The following PDE4D variants were observed in gnomAD, a reference collection of about 807,000 sequenced individuals.
PDE4D encodes the protein phosphodiesterase 4D, also known as 3',5'-cyclic-AMP phosphodiesterase 4D.
Under a neutral mutation model 87.4 loss-of-function variants are expected in PDE4D, and 24 were observed. That is an observed-to-expected ratio of 0.27 (90% CI 0.20 to 0.39). The LOEUF (loss-of-function observed/expected upper bound fraction) is 0.39, where lower values mean the gene tolerates loss of function less well. Ranked by LOEUF, PDE4D falls within the 10% of genes least tolerant of loss-of-function variation. The probability of loss-of-function intolerance (pLI) is 1.00; values close to 1 mark genes in which losing one functional copy is unlikely to be tolerated. For synonymous variants in PDE4D, 384 were observed against 383.2 expected (o/e 1.00, Z -0.02); for missense variants, 714 against 1,041.0 (o/e 0.69, Z 4.32).
At chr5:60,071,064 G>A (rs1420830097) in intron 2 of PDE4D, among the ~76,000 whole-genome samples, 2 of 151,206 alleles carry the variant, frequency 1.3e-5, no homozygotes, top group East Asian at 1.9e-4. Context: ...TTGAGGCATC[G>A]CTCTTTTTTT....
chr5:59,694,584 A>G (rs959026863), intron 1 of PDE4D, among the ~76,000 whole-genome samples: 3 of 152,192 alleles, frequency 2.0e-5, no homozygotes, highest in Non-Finnish European at 4.4e-5. Flanking sequence ...GATTACAGCA[A>G]TATGTTGTAA....
intron 1 of PDE4D, among the ~76,000 whole-genome samples, chr5:59,881,018 C>T (rs2152745770): frequency 6.6e-6 from 1 of 152,144 alleles, no homozygotes; most frequent in East Asian, 1.9e-4. Flanking sequence ...TAAAAAGGAG[C>T]ATTTATGAAA....
At chr5:59,689,136 G>A (rs1172553122) in intron 1 of PDE4D, among the ~76,000 whole-genome samples, 1 of 152,128 alleles carries the variant, frequency 6.6e-6, no homozygotes, top group Non-Finnish European at 1.5e-5. Context: ...AATTCTACCA[G>A]AGATACAAAA....
At chr5:59,129,207 GTTA>G (rs1775931549) in intron 5 of PDE4D, among the ~76,000 whole-genome samples, 2 of 152,158 alleles carry the variant, frequency 1.3e-5, no homozygotes, top group Admixed American at 1.3e-4. Context: ...TAGTGTAAAG[GTTA>G]TTAAGTAGAA....
chr5:60,038,065 T>C (rs1015573091), intron 2 of PDE4D, among the ~76,000 whole-genome samples: 1 of 152,132 alleles, frequency 6.6e-6, no homozygotes, highest in Non-Finnish European at 1.5e-5. Context: ...TTTCTCCCAT[T>C]TTGTAGGTTG....
intron 5 of PDE4D, among the ~76,000 whole-genome samples, chr5:59,173,271 A>G (rs926627388): frequency 1.3e-5 from 2 of 152,166 alleles, no homozygotes; most frequent in Non-Finnish European, 2.9e-5. Context: ...ACTTCAATCA[A>G]TTCCTGGTCA....
Position 59,138,513 on chromosome 5 carries a change from C to T in PDE4D, c.808+42082G>A, listed in dbSNP as rs952255826. ...TATTAGTCAGGCTAGTCTCGAACTCCTGACCTTGTGATCCACCCGCCTCCC... is the reference window on the plus strand; with the variant it reads ...TATTAGTCAGGCTAGTCTCGAACTCTTGACCTTGTGATCCACCCGCCTCCC... On this transcript the variant is annotated intron_variant, in intron 5 of 14. Coordinates refer to ENST00000340635, the MANE Select transcript of PDE4D (RefSeq NM_001104631.2). Among the ~76,000 whole-genome samples, 7 of 152,284 alleles carry T rather than the reference C, an allele frequency of 4.6e-5. No homozygotes were observed. The South Asian group carries it at 1.5e-3, about 32-fold the overall frequency.
At chr5:58,976,953 G>A (rs936054297) in intron 12 of PDE4D, among the ~76,000 whole-genome samples, 5 of 152,252 alleles carry the variant, frequency 3.3e-5, no homozygotes, top group Non-Finnish European at 7.4e-5. Context: ...CAGACTGGAG[G>A]GGCCCAGAAA....
At chr5:60,226,566 G>A (rs1242918702) in intron 1 of PDE4D, among the ~76,000 whole-genome samples, 2 of 152,076 alleles carry the variant, frequency 1.3e-5, no homozygotes, top group Non-Finnish European at 2.9e-5. Context: ...TTGAAAAACA[G>A]CGTTATTTTT....
chr5:59,172,318 AAATATAT>A (rs1212782111), intron 5 of PDE4D, among the ~76,000 whole-genome samples: 17 of 132,898 alleles, frequency 1.3e-4, no homozygotes, highest in East Asian at 1.2e-3. Context: ...TAATTTTATA[AAATATAT>A]AATATATAAT....
intron 2 of PDE4D, among the ~76,000 whole-genome samples, chr5:60,119,566 C>A (rs1778484880): frequency 6.6e-6 from 1 of 152,178 alleles, no homozygotes; most frequent in Admixed American, 6.5e-5. Context: ...CCTTCATTGA[C>A]CTTGGATAAG....
intron 1 of PDE4D, among the ~76,000 whole-genome samples, chr5:59,235,735 T>C (rs1756270488): frequency 6.6e-6 from 1 of 152,192 alleles, no homozygotes; most frequent in African/African-American, 2.4e-5. Context: ...AATGAATGGA[T>C]GTGCTTACAT....
chr5:59,696,751 CAT>C (rs983248059), intron 1 of PDE4D, among the ~76,000 whole-genome samples: 22 of 152,258 alleles, frequency 1.4e-4, no homozygotes, highest in Non-Finnish European at 2.2e-4. Context: ...CAAACTTGCA[CAT>C]GTTTTGTCAC....
intron 5 of PDE4D, among the ~76,000 whole-genome samples, chr5:59,114,606 C>T (rs371360271): frequency 6.6e-6 from 1 of 151,898 alleles, no homozygotes; most frequent in East Asian, 1.9e-4. Flanking sequence ...TTGGAAGACA[C>T]ACAGAGTGAG....
intron 11 of PDE4D, among the ~76,000 whole-genome samples, chr5:58,981,355 A>G (rs1183777254): frequency 6.6e-6 from 1 of 152,154 alleles, no homozygotes; most frequent in East Asian, 1.9e-4. Flanking sequence ...CATTCCCCAG[A>G]AGTGAAAGTA....
intron 2 of PDE4D, among the ~76,000 whole-genome samples, chr5:60,063,524 G>A (rs1771723487): frequency 6.6e-6 from 1 of 152,092 alleles, no homozygotes; most frequent in East Asian, 1.9e-4. Context: ...GTTCCTGGGT[G>A]TAGGCCAACC....
chr5:59,155,085 G>C (rs1262668836), intron 5 of PDE4D, among the ~76,000 whole-genome samples: 2 of 152,158 alleles, frequency 1.3e-5, no homozygotes, highest in African/African-American at 4.8e-5. Context: ...AATAAATTTG[G>C]AAATTGGGGA....
chr5:60,270,144 A>G (rs1236970666), intron 1 of PDE4D, among the ~76,000 whole-genome samples: 1 of 152,334 alleles, frequency 6.6e-6, no homozygotes, highest in South Asian at 2.1e-4. Flanking sequence ...ATGAACCAAG[A>G]CAGGGAAAGA....
intron 1 of PDE4D, among the ~76,000 whole-genome samples, chr5:59,696,861 A>T (rs1300524091): frequency 6.6e-6 from 1 of 152,184 alleles, no homozygotes; most frequent in Non-Finnish European, 1.5e-5. Context: ...CACAACAGAA[A>T]GTATCTGTTG....
Sources: gnomAD v4.1 joint callset for allele counts (sites outside exome capture counted in the v4.1 genomes callset) on GRCh38, gnomAD v4.1.1 for gene constraint, MANE v1.5 for transcripts, NCBI Gene and HGNC (gene_info 2026-07-23, HGNC 2026-07-21) for gene names.